RAB11FIP5: variants seen among roughly 807,000 people sequenced by gnomAD.
RAB11FIP5 encodes RAB11 family interacting protein 5.
A neutral mutation model predicts 85.1 loss-of-function variants in RAB11FIP5; 48 were observed. The ratio of observed to expected loss-of-function variants is 0.56; its 90% CI spans 0.45 to 0.72. RAB11FIP5 has a LOEUF of 0.72. RAB11FIP5 is among the 30% of genes least tolerant of loss of function. RAB11FIP5 has a pLI of 0.00. For synonymous variants in RAB11FIP5, 729 were observed against 727.3 expected, an observed-to-expected ratio of 1.00 and a Z score of -0.04; for missense variants, 1,491 against 1,687.0, an observed-to-expected ratio of 0.88 and a Z score of 2.04.
At chr2:73,093,370 C>T (rs891431) in intron 1 of RAB11FIP5, among the ~76,000 whole-genome samples, 1 of 152,184 alleles carries the variant, frequency 6.6e-6, no homozygotes, top group Admixed American at 6.5e-5. Context: ...CCAGATCTGG[C>T]AGCACCGTGC....
chr2:73,076,278 A>AG, intron 4 of RAB11FIP5, 96 bp from the exon 5 acceptor site: 1 of 1,211,056 alleles, frequency 8.3e-7, no homozygotes, highest in Non-Finnish European at 1.2e-6. Context: ...GGTCTGCTGG[A>AG]CAGAAAGCCC....
Position 73,086,598 on chromosome 2 carries a change from G to A in RAB11FIP5, c.1568+1452C>T, listed in dbSNP as rs115697477. On this transcript the variant is annotated intron_variant, in intron 3 of 5. Coordinates refer to ENST00000486777, the MANE Select transcript of RAB11FIP5 (RefSeq NM_001371272.1). The surrounding 1 kb of genome is among the most constrained non-coding windows in gnomAD (Gnocchi z 4.4). ...GTGCCCCTTTCAATCCAGGCCCTCA[G>A]CTCCTCCCAGCAAATGCCCTGTCCA... Among the ~76,000 whole-genome samples the A allele has an allele frequency of 0.011, 1,645 of 152,220 alleles. 30 individuals are homozygous for A. The highest frequency in any genetic ancestry group is 0.037 in the African/African-American group (1,554 of 41,526).
chr2:73,098,530 G>C (rs920399761), intron 1 of RAB11FIP5, among the ~76,000 whole-genome samples: 1 of 152,188 alleles, frequency 6.6e-6, no homozygotes, highest in African/African-American at 2.4e-5. Context: ...CTGAGGTAAG[G>C]AGACGTGCAC....
At chr2:73,111,776 TG>T (rs960694987) in intron 1 of RAB11FIP5, among the ~76,000 whole-genome samples, 22 of 151,270 alleles carry the variant, frequency 1.5e-4, no homozygotes, top group African/African-American at 3.6e-4. Context: ...AGGATGGGGG[TG>T]GGGGGGTGAC....
At chr2:73,094,821 C>G (rs1350102189) in intron 1 of RAB11FIP5, among the ~76,000 whole-genome samples, 1 of 152,094 alleles carries the variant, frequency 6.6e-6, no homozygotes, top group Non-Finnish European at 1.5e-5. Flanking sequence ...AAATACTCAT[C>G]CCTCCCCCAG....
In RAB11FIP5 at chr2:73,088,064, C is replaced by T. The variant is rs766279734; in HGVS notation, c.1554G>A (p.Pro518=). 2.4e-5 allele frequency: 38 copies of T among 1,596,268 alleles called. No individual in the cohort carries two copies. Among genetic ancestry groups the T allele is most frequent in the Middle Eastern group, 1.7e-4 (1 of 5,968 alleles). The stretch of plus-strand genomic sequence containing the variant: ...CAACGACTTACCTGGGTTTCTGAGT[C>T]GGGTCCTTGGCTTCTCTCAAGCCAA... ...SWFGLREAKD[P]TQKPSLDVSP... is the part of the protein sequence containing the mutation. Residue 518 remains proline, a synonymous_variant, in exon 3 of 6, where the codon CCG becomes CCA. Coordinates refer to ENST00000486777, the MANE Select transcript of RAB11FIP5 (RefSeq NM_001371272.1).
chr2:73,108,061 G>A lies in RAB11FIP5; in HGVS notation c.431+4286C>T, dbSNP rs184329708. ...AGTGCCCCCAAACCCACCCACCTAA[G>A]GAGGTCTCAGAACACCATGACCAGC... On this transcript the variant is annotated intron_variant, in intron 1 of 5. Transcript: ENST00000486777. Among the ~76,000 whole-genome samples the A allele has an allele frequency of 2.2e-4, 33 of 152,300 alleles. 1 individual carries two copies. In the East Asian group the frequency reaches 6.4e-3, roughly 29 times the overall value.
rs765798618 is a variant in RAB11FIP5, at chr2:73,088,430, G to C, written c.1188C>G (p.Ser396Arg). 1.5e-5 allele frequency: 25 copies of C among 1,613,792 alleles called. No individual in the cohort carries two copies. Among genetic ancestry groups the C allele is most frequent in the Non-Finnish European group, 1.5e-5 (18 of 1,180,046 alleles). ...CCTCCTGTCCAAGCACTGCCTCTGAGCTGCTGTTGCTACGACTGCCTCTGG... is the reference window on the plus strand; with the variant it reads ...CCTCCTGTCCAAGCACTGCCTCTGACCTGCTGTTGCTACGACTGCCTCTGG... ...TWPRGSRSNS[S>R]SEAVLGQEEL... Residue 396 changes from serine (S) to arginine (R), a missense_variant, in exon 3 of 6, where the codon AGC (serine) becomes AGG (arginine). Around this residue, in one of 3 missense-constraint regions of RAB11FIP5, gnomAD observed 1,211 missense variants for 1,338.0 expected, o/e 0.91. Transcript: ENST00000486777.
rs3813223 is a variant in RAB11FIP5, at chr2:73,081,174, A to G, written c.2058T>C (p.Pro686=). Residue 686 remains proline (P), a synonymous_variant, in exon 4 of 6, where the codon CCT becomes CCC. Transcript: ENST00000486777. This position sits in a 1 kb window ranked among gnomAD's most constrained non-coding sequence, Gnocchi z 4.2. ...CAGCTGCCTTCGCAGTCATGGCCCCAGGGCCTGGGTCTTGCAGCCCTGCCG... is the reference window on the plus strand; with the variant it reads ...CAGCTGCCTTCGCAGTCATGGCCCCGGGGCCTGGGTCTTGCAGCCCTGCCG... ...LEAAGLQDPG[P]GAMTAKAAEP... 345,067 of 1,232,170 alleles carry G rather than the reference A, an allele frequency of 0.28. 54,864 individuals carry two copies. The highest frequency in any genetic ancestry group is 0.65 in the African/African-American group (41,927 of 64,394). 76.3% of individuals were successfully genotyped at this position (1,232,170 alleles called of 1,614,324 possible).
intron 1 of RAB11FIP5, among the ~76,000 whole-genome samples, chr2:73,102,891 A>G (rs777934750): frequency 1.4e-4 from 22 of 152,302 alleles, no homozygotes; most frequent in Non-Finnish European, 2.9e-4. Context: ...CCTCTGTAAA[A>G]TGAGGGTGAT....
rs571867706 is a variant in RAB11FIP5, at chr2:73,079,745, G to C, written c.3487C>G (p.Leu1163Val). Residue 1163 changes from leucine to valine, a missense_variant, in exon 4 of 6, where the codon CTT becomes GTT. Leu to Val is a conservative substitution (Grantham distance 32). This residue lies in a region of RAB11FIP5 where 232 missense variants were observed against 259.1 expected (regional missense o/e 0.90). Transcript: ENST00000486777. ...PSPPGGSPAL[L>V]REDLAAATPA... ...GTGGCTGCAGCGAGGTCCTCCCTAA[G>C]TAGGGCAGGGGAGCCCCCAGGTGGG... The C allele has an allele frequency of 1.0e-4, 128 of 1,232,868 alleles. 1 individual carries two copies. The South Asian group carries it at 4.8e-3, about 46-fold the overall frequency. The allele number at this position is 1,232,868 out of a possible 1,614,324, so 76.4% of individuals were successfully genotyped here.
chr2:73,085,584 T>TCTC (rs1684077740), intron 3 of RAB11FIP5, among the ~76,000 whole-genome samples: 1 of 152,058 alleles, frequency 6.6e-6, no homozygotes, highest in South Asian at 2.1e-4. Context: ...ACAAGCTTGG[T>TCTC]CTCAACTACC....
chr2:73,089,042 G>C lies in RAB11FIP5; in HGVS notation c.705C>G (p.Phe235Leu), dbSNP rs775440251. 1.2e-6 allele frequency: 2 copies of C among 1,614,094 alleles called. No individual in the cohort carries two copies. Among genetic ancestry groups the C allele is most frequent in the African/African-American group, 2.7e-5 (2 of 74,934 alleles). Residue 235 changes from phenylalanine (F) to leucine (L), a missense_variant, in exon 2 of 6, where the codon TTC becomes TTG. Coordinates refer to ENST00000486777, the MANE Select transcript of RAB11FIP5 (RefSeq NM_001371272.1). The surrounding 1 kb of genome is among the most constrained non-coding windows in gnomAD (Gnocchi z 4.6). ...ACGACTTGCGCAGCTTGTTGCGGAGGAAGAAGCCTTTGGCTTTGCCCATCT... is the reference window on the plus strand; with the variant it reads ...ACGACTTGCGCAGCTTGTTGCGGAGCAAGAAGCCTTTGGCTTTGCCCATCT... ...LGKMGKAKGF[F>L]LRNKLRKSSL... is the part of the protein sequence containing the mutation.
intron 1 of RAB11FIP5, among the ~76,000 whole-genome samples, chr2:73,097,595 G>A (rs559608282): frequency 1.3e-5 from 2 of 152,276 alleles, no homozygotes; most frequent in South Asian, 4.2e-4. Context: ...CTTCACAACT[G>A]CTCTATGGTT....
At chr2:73,076,205 G>C (rs760596459) in intron 4 of RAB11FIP5, 23 bp from the exon 5 acceptor site, 1 of 1,565,828 alleles carries the variant, frequency 6.4e-7, no homozygotes, top group South Asian at 1.1e-5. Flanking sequence ...ACAAGAGATG[G>C]GTTACACAGA....
Position 73,079,685 on chromosome 2 carries a change from T to A in RAB11FIP5, c.3547A>T (p.Thr1183Ser). 1 of 1,233,204 alleles carries A rather than the reference T, an allele frequency of 8.1e-7. No individual in the cohort carries two copies. Among genetic ancestry groups the A allele is most frequent in the Non-Finnish European group, 1.0e-6 (1 of 988,884 alleles). 76.4% of individuals were successfully genotyped at this position (1,233,204 alleles called of 1,614,324 possible). The part of the protein sequence containing the change: ...ASPLVLLPLE[T>S]RPAEEPQPSA... ...GGCTGTGGCTCCTCAGCTGGTCGTGTCTCCAAGGGCAGAAGCACAAGCGGG... is the reference window on the plus strand; with the variant it reads ...GGCTGTGGCTCCTCAGCTGGTCGTGACTCCAAGGGCAGAAGCACAAGCGGG... Residue 1183 changes from threonine to serine, a missense_variant, in exon 4 of 6, where the codon ACA becomes TCA. By Grantham distance (58) the Thr-to-Ser change is moderately conservative. Around this residue, in one of 3 missense-constraint regions of RAB11FIP5, gnomAD observed 232 missense variants for 259.1 expected, o/e 0.90. Coordinates refer to ENST00000486777, the MANE Select transcript of RAB11FIP5 (RefSeq NM_001371272.1).
At position 73,088,919 on chromosome 2, in the gene RAB11FIP5, G is replaced by T; in HGVS notation, c.828C>A (p.Thr276=). The change falls in exon 2 of 6, where the codon ACC becomes ACA. Residue 276 remains threonine, a synonymous_variant. Transcript: ENST00000486777. ...AYQGPGAELL[T]RSPSRSSWLS... is the part of the protein sequence containing the mutation. ...GCCAGCTGCTACGGCTTGGTGAGCG[G>T]GTGAGGAGTTCGGCGCCAGGTCCCT... 6.3e-7 allele frequency: 1 copy of T among 1,597,824 alleles called. No homozygotes were observed. The highest frequency in any genetic ancestry group is 8.5e-7 in the Non-Finnish European group (1 of 1,171,734).
chr2:73,095,098 C>A (rs1684291761), intron 1 of RAB11FIP5, among the ~76,000 whole-genome samples: 1 of 152,180 alleles, frequency 6.6e-6, no homozygotes, highest in Non-Finnish European at 1.5e-5. Flanking sequence ...GCTGCTCCAC[C>A]TGCAAAGCAC....
intron 1 of RAB11FIP5, among the ~76,000 whole-genome samples, chr2:73,090,100 G>A (rs567632732): frequency 3.0e-4 from 46 of 152,282 alleles, no homozygotes; most frequent in Non-Finnish European, 6.0e-4. Flanking sequence ...CTCCCAAAAA[G>A]CATATGAGGT....
Sources: gnomAD v4.1 joint callset for allele counts (sites outside exome capture counted in the v4.1 genomes callset) on GRCh38, gnomAD v4.1.1 for gene constraint, gnomAD v4.1.1 regional missense constraint, Gnocchi (gnomAD v3.1) non-coding constraint, MANE v1.5 for transcripts, NCBI Gene and HGNC (gene_info 2026-07-23, HGNC 2026-07-21) for gene names.